Variants in ERBB4 observed in about 807,000 individuals in gnomAD.
ERBB4 encodes the protein erb-b2 receptor tyrosine kinase 4.
A neutral mutation model predicts 158.0 loss-of-function variants in ERBB4; 42 were observed. The observed-to-expected ratio is 0.27, with a 90% CI of 0.21 to 0.34. The LOEUF (loss-of-function observed/expected upper bound fraction) is 0.34. Ranked by LOEUF, ERBB4 falls within the 10% of genes least tolerant of loss-of-function variation. The pLI, the probability that ERBB4 is intolerant of heterozygous loss-of-function variation, is 1.00. For missense variants in ERBB4, 1,333 were observed against 1,624.1 expected, an observed-to-expected ratio of 0.82 and a Z score of 3.08; for synonymous variants, 583 against 558.7, an observed-to-expected ratio of 1.04 and a Z score of -0.61.
At chr2:212,057,431 T>G (rs147977599) in intron 2 of ERBB4, among the ~76,000 whole-genome samples, 1 of 152,174 alleles carries the variant, frequency 6.6e-6, no homozygotes, top group Non-Finnish European at 1.5e-5. Context: ...CAAGTGGACC[T>G]AGTAGGCATC....
intron 1 of ERBB4, among the ~76,000 whole-genome samples, chr2:212,515,707 CA>C (rs985671362): frequency 2.0e-5 from 3 of 151,294 alleles, no homozygotes; most frequent in South Asian, 2.1e-4. Flanking sequence ...TTTAAAAAAA[CA>C]AAAAAAATTT....
intron 1 of ERBB4, among the ~76,000 whole-genome samples, chr2:212,377,186 A>G (rs2090351328): frequency 6.7e-6 from 1 of 148,944 alleles, no homozygotes; most frequent in Admixed American, 6.8e-5. Flanking sequence ...AAGCACTTAA[A>G]TGTTCCTGGC....
chr2:211,792,173 G>A (rs1339233061), intron 3 of ERBB4, among the ~76,000 whole-genome samples: 2 of 151,550 alleles, frequency 1.3e-5, no homozygotes, highest in African/African-American at 2.4e-5. Flanking sequence ...ATTATATTCT[G>A]ACCAAATCAA....
At chr2:211,591,455 T>C (rs1047069190) in intron 19 of ERBB4, among the ~76,000 whole-genome samples, 2 of 152,228 alleles carry the variant, frequency 1.3e-5, no homozygotes, top group African/African-American at 4.8e-5. Flanking sequence ...TCCATACCAC[T>C]ATACTGTTGC....
chr2:211,551,192 C>G (rs13014132), intron 20 of ERBB4, among the ~76,000 whole-genome samples: 49,226 of 152,048 alleles, frequency 0.32, 10,552 homozygotes, highest in African/African-American at 0.61. Flanking sequence ...GTCACTGAAG[C>G]TATTTACTGT....
At chr2:212,483,437 T>G (rs1689809828) in intron 1 of ERBB4, among the ~76,000 whole-genome samples, 1 of 152,196 alleles carries the variant, frequency 6.6e-6, no homozygotes, top group African/African-American at 2.4e-5. Context: ...TTAGACTTTT[T>G]TGACATTAAG....
intron 3 of ERBB4, among the ~76,000 whole-genome samples, chr2:211,906,753 G>A (rs1320128241): frequency 1.3e-5 from 2 of 151,314 alleles, no homozygotes; most frequent in African/African-American, 4.8e-5. Flanking sequence ...CCCTCTTTGT[G>A]TCCATGTGTC....
intron 14 of ERBB4, among the ~76,000 whole-genome samples, chr2:211,666,709 A>G (rs1359360650): frequency 1.3e-5 from 2 of 152,114 alleles, no homozygotes; most frequent in African/African-American, 2.4e-5. Context: ...TGGACACCAT[A>G]TTGTCTTAAA....
rs571696775 is a variant in ERBB4, at chr2:211,504,273, G to A, written c.2487+57630C>T. On this transcript the variant is annotated intron_variant, in intron 20 of 27. Transcript: ENST00000342788. ...TACTAGACAGTGAGCCAGATAATAT[G>A]CACAGCACACCACTACTAAAACCTA... 1.1e-4 allele frequency among the ~76,000 whole-genome samples: 17 copies of A among 152,108 alleles called. 1 individual carries two copies. Among genetic ancestry groups the A allele is most frequent in the Admixed American group, 1.1e-3 (17 of 15,296 alleles).
chr2:211,816,639 T>C (rs1407566178), intron 3 of ERBB4, among the ~76,000 whole-genome samples: 1 of 151,758 alleles, frequency 6.6e-6, no homozygotes, highest in Non-Finnish European at 1.5e-5. Context: ...TTTGAAAAAC[T>C]TATTGACCAT....
chr2:211,704,103 C>T lies in ERBB4; in HGVS notation c.1289+1G>A. ...CTGCAGCTTTAAACATATCCACTTA[C>T]CTATAGAGTACTCTTCCACCAATGG... On this transcript the variant is annotated splice_donor_variant, in intron 11 of 27. Coordinates refer to ENST00000342788, the MANE Select transcript of ERBB4 (RefSeq NM_005235.3). LOFTEE classifies it high-confidence loss of function. 6.4e-7 allele frequency: 1 copy of T among 1,567,610 alleles called. No individual in the cohort carries two copies. The highest frequency in any genetic ancestry group is 1.7e-5 in the Admixed American group (1 of 59,944).
At chr2:212,326,625 A>G (rs1207020926) in intron 1 of ERBB4, among the ~76,000 whole-genome samples, 1 of 150,750 alleles carries the variant, frequency 6.6e-6, no homozygotes, top group Middle Eastern at 3.2e-3. Context: ...GCTATTTTAT[A>G]TAAACATAGA....
At chr2:212,358,523 T>C (rs1455750039) in intron 1 of ERBB4, among the ~76,000 whole-genome samples, 1 of 151,818 alleles carries the variant, frequency 6.6e-6, no homozygotes, top group Non-Finnish European at 1.5e-5. Flanking sequence ...GATTAAATCA[T>C]CTTAAATGAC....
At chr2:211,436,375 T>C (rs192322932) in intron 20 of ERBB4, among the ~76,000 whole-genome samples, 1 of 143,116 alleles carries the variant, frequency 7.0e-6, no homozygotes, top group Non-Finnish European at 1.6e-5. Flanking sequence ...TGTGGTCAAT[T>C]GCCTGTTTCA....
intron 20 of ERBB4, among the ~76,000 whole-genome samples, chr2:211,534,481 G>C (rs2066590807): frequency 6.6e-6 from 1 of 151,952 alleles, no homozygotes; most frequent in Non-Finnish European, 1.5e-5. Context: ...TCCTCTTATA[G>C]GGCATCATTA....
intron 1 of ERBB4, among the ~76,000 whole-genome samples, chr2:212,519,180 A>G (rs948408592): frequency 1.3e-5 from 2 of 152,072 alleles, no homozygotes; most frequent in Admixed American, 1.3e-4. Context: ...CTCAGAAATA[A>G]GAATGTAGTA....
intron 1 of ERBB4, among the ~76,000 whole-genome samples, chr2:212,424,449 C>A (rs902826016): frequency 1.3e-4 from 20 of 152,106 alleles, no homozygotes; most frequent in African/African-American, 4.8e-4. Context: ...CAGGTAAAGT[C>A]CATCTATGCA....
chr2:211,690,835 A>G (rs1054018449), intron 12 of ERBB4, among the ~76,000 whole-genome samples: 15 of 152,218 alleles, frequency 9.9e-5, no homozygotes, highest in African/African-American at 3.4e-4. Context: ...AAATCTCTCT[A>G]AAGAAACTTT....
chr2:211,520,689 T>C (rs2066163538), intron 20 of ERBB4, among the ~76,000 whole-genome samples: 1 of 152,204 alleles, frequency 6.6e-6, no homozygotes, highest in Non-Finnish European at 1.5e-5. Context: ...TAGTTGATTG[T>C]ACTGCACAGA....
Sources: allele counts gnomAD v4.1 joint callset (sites outside exome capture counted in the v4.1 genomes callset), GRCh38; gene constraint gnomAD v4.1.1; transcripts MANE v1.5; gene names NCBI Gene and HGNC (gene_info 2026-07-23, HGNC 2026-07-21).